L3MBTL4: variants seen among roughly 807,000 people sequenced by gnomAD.
L3MBTL4 encodes lethal(3)malignant brain tumor-like protein 4.
A neutral mutation model predicts 84.5 loss-of-function variants in L3MBTL4; 70 were observed. The observed-to-expected ratio is 0.83, with a 90% confidence interval of 0.68 to 1.01. The LOEUF (loss-of-function observed/expected upper bound fraction) is 1.01. Ranked by LOEUF, L3MBTL4 falls within the 50% of genes least tolerant of loss-of-function variation. The pLI is 0.00. For synonymous variants in L3MBTL4, 274 were observed against 259.8 expected, an observed-to-expected ratio of 1.05 and a Z score of -0.52; for missense variants, 715 against 754.8, an observed-to-expected ratio of 0.95 and a Z score of 0.62.
intron 14 of L3MBTL4, among the ~76,000 whole-genome samples, chr18:6,119,683 C>G (rs1249423207): frequency 6.6e-6 from 1 of 152,144 alleles, no homozygotes; most frequent in Admixed American, 6.5e-5. Flanking sequence ...AAGACCATGG[C>G]TCTCTCATGT....
intron 1 of L3MBTL4, among the ~76,000 whole-genome samples, chr18:6,393,813 A>T (rs1251032279): frequency 6.6e-6 from 1 of 152,134 alleles, no homozygotes; most frequent in Non-Finnish European, 1.5e-5. Flanking sequence ...AGTGATACTC[A>T]TAAAGCCTAG....
At chr18:6,062,278 A>G (rs1375008108) in intron 16 of L3MBTL4, among the ~76,000 whole-genome samples, 2 of 151,946 alleles carry the variant, frequency 1.3e-5, no homozygotes, top group South Asian at 2.1e-4. Flanking sequence ...GGAAATTTCA[A>G]TGCTTTAAAC....
intron 14 of L3MBTL4, among the ~76,000 whole-genome samples, chr18:6,105,657 A>C (rs1055103056): frequency 5.3e-5 from 8 of 151,858 alleles, no homozygotes; most frequent in Admixed American, 2.6e-4. Flanking sequence ...AAAATTAGCC[A>C]GGAGTGATGG....
chr18:6,008,945 G>T (rs2145362043), intron 16 of L3MBTL4, among the ~76,000 whole-genome samples: 1 of 152,310 alleles, frequency 6.6e-6, no homozygotes, highest in East Asian at 1.9e-4. Flanking sequence ...ACCCATTTCA[G>T]GGTTTAACAC....
chr18:6,295,686 C>T (rs900605197), intron 4 of L3MBTL4, among the ~76,000 whole-genome samples: 4 of 151,998 alleles, frequency 2.6e-5, no homozygotes, highest in African/African-American at 9.7e-5. Flanking sequence ...TATTGAAGTG[C>T]CCCTGCAAAA....
At chr18:5,993,206 C>T (rs1342674611) in intron 16 of L3MBTL4, among the ~76,000 whole-genome samples, 1 of 152,226 alleles carries the variant, frequency 6.6e-6, no homozygotes, top group Non-Finnish European at 1.5e-5. Context: ...TCTGTTTCTA[C>T]ACAGCAACAT....
At chr18:6,302,060 C>T (rs7241792) in intron 3 of L3MBTL4, 103 bp from the exon 4 acceptor site, 167,992 of 965,660 alleles carry the variant, frequency 0.17, 15,400 homozygotes, top group Middle Eastern at 0.24. Context: ...TGAAGATCCT[C>T]GTCACTGAGG....
chr18:6,165,309 C>T (rs976746121), intron 13 of L3MBTL4, among the ~76,000 whole-genome samples: 2 of 152,162 alleles, frequency 1.3e-5, no homozygotes, highest in Admixed American at 6.5e-5. Context: ...GGCCAACATT[C>T]AAATTCAGGA....
In L3MBTL4 at chr18:6,031,811, G is replaced by GT. The variant is rs11333960; in HGVS notation, c.1444+49069dup. On this transcript the variant is annotated intron_variant, in intron 16 of 18. Coordinates refer to ENST00000317931, the MANE Select transcript of L3MBTL4 (RefSeq NM_001330559.2). ...TGACTAAAGGCAAATCAGATTCATG[G>GT]TTTTTTTTTTTTTTTAATTTCACAG... The GT allele has an allele frequency of 9.7e-3, 8,710 of 897,670 alleles. 23 individuals carry two copies. The highest frequency in any genetic ancestry group is 0.036 in the African/African-American group (1,973 of 54,320). 55.6% of individuals were successfully genotyped at this position (897,670 alleles called of 1,614,324 possible).
At chr18:6,191,021 A>G (rs2045055726) in intron 12 of L3MBTL4, among the ~76,000 whole-genome samples, 1 of 152,192 alleles carries the variant, frequency 6.6e-6, no homozygotes, top group African/African-American at 2.4e-5. Context: ...CAGGTACAGT[A>G]TGAGGTAGGG....
chr18:6,407,410 T>G (rs759597896), intron 1 of L3MBTL4, among the ~76,000 whole-genome samples: 21 of 152,190 alleles, frequency 1.4e-4, no homozygotes, highest in Non-Finnish European at 2.9e-4. Flanking sequence ...AAAAAATCAT[T>G]GTTCTAACCA....
At chr18:6,252,266 T>C (rs527865455) in intron 5 of L3MBTL4, among the ~76,000 whole-genome samples, 439 of 152,200 alleles carry the variant, frequency 2.9e-3, no homozygotes, top group African/African-American at 0.01. Context: ...TGAGCCAAGA[T>C]TGCACCACTG....
chr18:6,308,281 G>A (rs1249362342), intron 3 of L3MBTL4, among the ~76,000 whole-genome samples: 2 of 152,170 alleles, frequency 1.3e-5, no homozygotes, highest in African/African-American at 4.8e-5. Context: ...AAGCAAAGAT[G>A]TAAAACATAT....
intron 10 of L3MBTL4, among the ~76,000 whole-genome samples, chr18:6,237,688 T>G (rs2047273271): frequency 6.6e-6 from 1 of 151,972 alleles, no homozygotes; most frequent in South Asian, 2.1e-4. Flanking sequence ...ACTCCTGACC[T>G]CAGGTGATCC....
At chr18:6,154,015 G>T (rs61132448) in intron 13 of L3MBTL4, among the ~76,000 whole-genome samples, 7,864 of 152,196 alleles carry the variant, frequency 0.052, 692 homozygotes, top group African/African-American at 0.18. Flanking sequence ...CAGAGACAAT[G>T]TAACTTGTTC....
chr18:6,208,306 A>G (rs577063232), intron 12 of L3MBTL4, among the ~76,000 whole-genome samples: 146 of 152,276 alleles, frequency 9.6e-4, no homozygotes, highest in African/African-American at 3.4e-3. Flanking sequence ...TTTTGAACTT[A>G]TTGGTCTGAC....
chr18:6,014,613 CTGGAGGACTA>C (rs1723715540), intron 16 of L3MBTL4, among the ~76,000 whole-genome samples: 1 of 152,012 alleles, frequency 6.6e-6, no homozygotes, highest in South Asian at 2.1e-4. Flanking sequence ...TGAGAGGAGC[CTGGAGGACTA>C]GAATAACAGA....
intron 14 of L3MBTL4, among the ~76,000 whole-genome samples, chr18:6,114,760 T>C (rs2059305925): frequency 6.6e-6 from 1 of 152,244 alleles, no homozygotes; most frequent in African/African-American, 2.4e-5. Context: ...AAAGCTATCT[T>C]ATTGGTTTCC....
chr18:6,251,173 G>C (rs576759137), intron 5 of L3MBTL4, among the ~76,000 whole-genome samples: 3 of 152,354 alleles, frequency 2.0e-5, no homozygotes, highest in East Asian at 3.9e-4. Flanking sequence ...GCCCTTGCAG[G>C]CTTCGCTAAA....
Sources: gnomAD v4.1 joint callset for allele counts (sites outside exome capture counted in the v4.1 genomes callset) on GRCh38, gnomAD v4.1.1 for gene constraint, MANE v1.5 for transcripts, NCBI Gene and HGNC (gene_info 2026-07-23, HGNC 2026-07-21) for gene names.